The following BTBD2 variants were observed in gnomAD, a reference collection of about 807,000 sequenced individuals.
The protein encoded by BTBD2 is BTB domain containing 2, also known as BTB/POZ domain-containing protein 2.
BTBD2 carries 15 observed loss-of-function variants against 44.0 expected under a neutral mutation model. The observed-to-expected ratio is 0.34, with a 90% CI of 0.23 to 0.53. BTBD2 has a LOEUF of 0.53. Ranked by LOEUF, BTBD2 falls within the 20% of genes least tolerant of loss-of-function variation. The probability of loss-of-function intolerance (pLI) is 0.95; values close to 1 mark genes in which losing one functional copy is unlikely to be tolerated. For synonymous variants in BTBD2, 443 were observed against 335.9 expected, an observed-to-expected ratio of 1.32 and a Z score of -3.49; for missense variants, 657 against 746.4, an observed-to-expected ratio of 0.88 and a Z score of 1.39.
intron 4 of BTBD2, among the ~76,000 whole-genome samples, 173 bp downstream of exon 4, chr19:1,990,544 G>GC (rs915944465): frequency 9.2e-5 from 14 of 152,218 alleles, no homozygotes; most frequent in African/African-American, 3.1e-4. Flanking sequence ...CCTGGCCAAG[G>GC]CCCCGGACTC....
rs557479066 is a variant in BTBD2 at position 1,989,017 on chromosome 19, A to G, written c.988+987T>C. On this transcript the variant is annotated intron_variant, in intron 5 of 8. Transcript: ENST00000255608. ...AACCTCCACCTCCTGGGTTCAAGTG[A>G]TTCTCCTGCCTCAGCCTCCCGGGTA... Among the ~76,000 whole-genome samples the G allele has an allele frequency of 7.2e-5, 11 of 152,216 alleles. No homozygotes were observed. In the East Asian group the frequency reaches 1.9e-3, roughly 27 times the overall value.
At chr19:2,007,687 G>T (rs1412072977) in intron 1 of BTBD2, among the ~76,000 whole-genome samples, 2 of 152,140 alleles carry the variant, frequency 1.3e-5, no homozygotes, top group South Asian at 2.1e-4. Context: ...TTAGCCGGGT[G>T]TGGTGGTGCA....
At chr19:2,013,329 C>T (rs144524550) in intron 1 of BTBD2, among the ~76,000 whole-genome samples, 5 of 151,770 alleles carry the variant, frequency 3.3e-5, no homozygotes, top group African/African-American at 7.2e-5. Context: ...GGCCTGGGGC[C>T]GGTACCCCGC....
chr19:1,988,188 C>T (rs1010971873), intron 5 of BTBD2: 4 of 156,164 alleles, frequency 2.6e-5, no homozygotes, highest in African/African-American at 9.6e-5. Context: ...CGCTTACACC[C>T]CCAGGGGTGA....
At chr19:1,997,281 ACGTTCTCT>A (rs1568217917) in intron 2 of BTBD2, 55 bp downstream of exon 2, 5 of 1,607,628 alleles carry the variant, frequency 3.1e-6, no homozygotes, top group Non-Finnish European at 3.4e-6. Context: ...GACAGGGTCT[ACGTTCTCT>A]GAGGTCCCCC....
chr19:1,995,510 C>G (rs1053734143), intron 2 of BTBD2, among the ~76,000 whole-genome samples: 2 of 149,888 alleles, frequency 1.3e-5, no homozygotes, highest in Non-Finnish European at 3.0e-5. Context: ...TCTCGATCTC[C>G]TGACCTCATG....
In BTBD2 at chr19:1,988,568, AT is replaced by A. The variant is rs58873301; in HGVS notation, c.989-877del. The A allele has an allele frequency of 5.7e-3, 806 of 142,066 alleles. 5 individuals carry two copies. Among genetic ancestry groups the A allele is most frequent in the South Asian group, 0.026 (121 of 4,610 alleles). 8.8% of individuals were successfully genotyped at this position (142,066 alleles called of 1,614,324 possible). ...CAAAACTCAATAAACAATGTTAACA[AT>A]TTTTTTTTTTTTTGAGACGGAGTTT... On this transcript the variant is annotated intron_variant, in intron 5 of 8. Coordinates refer to ENST00000255608, the MANE Select transcript of BTBD2 (RefSeq NM_017797.4).
intron 1 of BTBD2, among the ~76,000 whole-genome samples, chr19:1,998,180 T>C (rs1033096078): frequency 2.0e-5 from 3 of 152,256 alleles, no homozygotes; most frequent in Admixed American, 6.5e-5. Context: ...GTCTACTCTC[T>C]ATCACTCTCC....
At chr19:2,008,177 T>C (rs1352366258) in intron 1 of BTBD2, among the ~76,000 whole-genome samples, 1 of 152,028 alleles carries the variant, frequency 6.6e-6, no homozygotes, top group Non-Finnish European at 1.5e-5. Context: ...GCTAATTTTG[T>C]ATTTTTAGTA....
At chr19:1,997,204 G>A (rs2016262420) in intron 2 of BTBD2, 140 bp downstream of exon 2, 4 of 1,287,934 alleles carry the variant, frequency 3.1e-6, no homozygotes, top group Non-Finnish European at 4.2e-6. Context: ...AAGTGCCTCT[G>A]GAACCCCTCA....
intron 1 of BTBD2, chr19:2,014,258 G>A (rs1036078174): frequency 6.6e-6 from 1 of 152,532 alleles, no homozygotes; most frequent in African/African-American, 2.4e-5. Context: ...GCCTGGGGAT[G>A]GAGGGGTCCT....
rs560697317 is a variant in BTBD2 at position 1,997,856 on chromosome 19, G to A, written c.408-393C>T. The stretch of plus-strand genomic sequence containing the variant: ...CGTTCATTCATGCATGCATTCACTC[G>A]CTCATTCACATGCATTCATTCACAC... On this transcript the variant is annotated intron_variant, in intron 1 of 8. Transcript: ENST00000255608. 2.3e-4 allele frequency among the ~76,000 whole-genome samples: 35 copies of A among 152,214 alleles called. No homozygotes were observed. The Middle Eastern group carries it at 0.01, about 45-fold the overall frequency.
At chr19:2,015,047 C>T (rs1568225174) in intron 1 of BTBD2, among the ~76,000 whole-genome samples, 2 of 145,680 alleles carry the variant, frequency 1.4e-5, no homozygotes, top group Non-Finnish European at 3.0e-5. Context: ...GTTTCAGGAC[C>T]GGAGGGGTGC....
At chr19:2,001,649 G>C (rs1210210245) in intron 1 of BTBD2, among the ~76,000 whole-genome samples, 4 of 152,232 alleles carry the variant, frequency 2.6e-5, no homozygotes, top group African/African-American at 9.6e-5. Flanking sequence ...GTGCCACGAG[G>C]GTGGCCGTCC....
chr19:1,985,707 C>A lies in BTBD2; in HGVS notation c.*781G>T. 6.6e-6 allele frequency: 1 copy of A among 152,476 alleles called. No homozygotes were observed. Among genetic ancestry groups the A allele is most frequent in the Non-Finnish European group, 1.5e-5 (1 of 68,264 alleles). The allele number at this position is 152,476 out of a possible 1,614,324, so 9.4% of individuals were successfully genotyped here. On this transcript the variant is annotated 3_prime_UTR_variant, in exon 9 of 9. Coordinates refer to ENST00000255608, the MANE Select transcript of BTBD2 (RefSeq NM_017797.4). Reference sequence around the variant, plus strand: ...GGACCCGGTCGGGGCCGGCTGGGGCCCCATTCTGCGGCAGGGGAGCTCTGG... The same window carrying A: ...GGACCCGGTCGGGGCCGGCTGGGGCACCATTCTGCGGCAGGGGAGCTCTGG...
intron 1 of BTBD2, among the ~76,000 whole-genome samples, chr19:1,999,647 C>G (rs1599355078): frequency 6.6e-6 from 1 of 150,570 alleles, no homozygotes; most frequent in African/African-American, 2.4e-5. Context: ...GCCTGGGCAA[C>G]AGAGCAAGAC....
chr19:1,986,696 A>T, intron 8 of BTBD2, 47 bp from the exon 9 acceptor site: 1 of 1,603,524 alleles, frequency 6.2e-7, no homozygotes, highest in Non-Finnish European at 8.5e-7. Context: ...CCAGGCTGGG[A>T]TGCCCCAGGT....
chr19:2,005,717 G>A (rs1016107114), intron 1 of BTBD2, among the ~76,000 whole-genome samples: 4 of 151,268 alleles, frequency 2.6e-5, no homozygotes, highest in African/African-American at 4.9e-5. Flanking sequence ...GGGAGGCAGA[G>A]GTTGCAGTGA....
intron 1 of BTBD2, among the ~76,000 whole-genome samples, chr19:2,002,274 T>C (rs2016339174): frequency 6.6e-6 from 1 of 152,038 alleles, no homozygotes; most frequent in Non-Finnish European, 1.5e-5. Context: ...ACAGACGGGG[T>C]CTCGCTATGT....
Sources: allele counts gnomAD v4.1 joint callset (sites outside exome capture counted in the v4.1 genomes callset), GRCh38; gene constraint gnomAD v4.1.1; transcripts MANE v1.5; gene names NCBI Gene and HGNC (gene_info 2026-07-23, HGNC 2026-07-21).